The following CADPS variants were observed in gnomAD, a reference collection of about 807,000 sequenced individuals.
CADPS encodes the protein calcium-dependent secretion activator 1.
Under a neutral mutation model 167.3 loss-of-function variants are expected in CADPS, and 57 were observed. That is an observed-to-expected ratio of 0.34 (90% CI 0.28 to 0.42). The LOEUF is 0.42. Ranked by LOEUF, CADPS falls within the 20% of genes least tolerant of loss-of-function variation. CADPS has a pLI of 1.00. For missense variants in CADPS, 1,414 were observed against 1,738.1 expected (o/e 0.81, Z 3.32); for synonymous variants, 676 against 635.3 (o/e 1.06, Z -0.96).
At position 62,834,359 on chromosome 3, in the gene CADPS, T is replaced by A. The variant is rs544691951; in HGVS notation, c.441+40230A>T. On this transcript the variant is annotated intron_variant, in intron 1 of 29. Coordinates refer to ENST00000383710, the MANE Select transcript of CADPS (RefSeq NM_003716.4). ...TGACTGACCTTCATTTCCAACTAGA[T>A]GGGGAACTCCTCACTGCTTATAGAA... Among the ~76,000 whole-genome samples the A allele has an allele frequency of 3.3e-5, 5 of 152,250 alleles. No individual in the cohort carries two copies. The South Asian group carries it at 1.0e-3, about 32-fold the overall frequency.
chr3:62,869,395 AG>A (rs1479874210), intron 1 of CADPS, among the ~76,000 whole-genome samples: 2 of 152,158 alleles, frequency 1.3e-5, no homozygotes, highest in Non-Finnish European at 2.9e-5. Context: ...TAGAACCAAC[AG>A]AATCTGACTG....
intron 3 of CADPS, among the ~76,000 whole-genome samples, chr3:62,743,517 C>G (rs771011506): frequency 6.6e-6 from 1 of 152,112 alleles, no homozygotes; most frequent in Non-Finnish European, 1.5e-5. Context: ...CTCCAAAGAA[C>G]AACTTTTTAA....
At chr3:62,404,608 T>C (rs1369195560) in intron 28 of CADPS, 7 of 152,118 alleles carry the variant, frequency 4.6e-5, no homozygotes, top group African/African-American at 1.2e-4. Context: ...TCAGAGCCAA[T>C]TGTGGCTCTC....
At chr3:62,584,766 G>A (rs1410379448) in intron 8 of CADPS, among the ~76,000 whole-genome samples, 1 of 152,192 alleles carries the variant, frequency 6.6e-6, no homozygotes, top group Admixed American at 6.5e-5. Context: ...AATGTGAGTT[G>A]ATTGAAGGTG....
intron 28 of CADPS, among the ~76,000 whole-genome samples, chr3:62,428,038 T>C (rs966415631): frequency 6.6e-6 from 1 of 152,156 alleles, no homozygotes; most frequent in African/African-American, 2.4e-5. Context: ...CCAAAGGCAG[T>C]CAAGGCAGCC....
chr3:62,709,439 A>G (rs2082951003), intron 3 of CADPS, among the ~76,000 whole-genome samples: 1 of 152,148 alleles, frequency 6.6e-6, no homozygotes, highest in African/African-American at 2.4e-5. Context: ...AATGTCTCCA[A>G]TCTACAGTTT....
chr3:62,537,913 AC>A lies in CADPS; in HGVS notation c.1967-1333del, dbSNP rs565246644. On this transcript the variant is annotated intron_variant, in intron 11 of 29. Coordinates refer to ENST00000383710, the MANE Select transcript of CADPS (RefSeq NM_003716.4). The stretch of plus-strand genomic sequence containing the variant: ...CTTATTGTTTGACTTTTTTAAAAAA[AC>A]GTTGTCATTTTTCATAGAAGCAGCA... 5.7e-3 allele frequency among the ~76,000 whole-genome samples: 863 copies of A among 152,268 alleles called. 7 individuals are homozygous for A. The highest frequency in any genetic ancestry group is 0.02 in the African/African-American group (823 of 41,556).
At chr3:62,566,482 A>T (rs2080227907) in intron 9 of CADPS, among the ~76,000 whole-genome samples, 1 of 152,112 alleles carries the variant, frequency 6.6e-6, no homozygotes, top group Non-Finnish European at 1.5e-5. Flanking sequence ...GTGGCCTTGA[A>T]CTTTCCTCCT....
At chr3:62,695,214 T>A (rs532215964) in intron 3 of CADPS, among the ~76,000 whole-genome samples, 3 of 152,156 alleles carry the variant, frequency 2.0e-5, no homozygotes, top group African/African-American at 7.2e-5. Context: ...AGGGAAAGAA[T>A]GTTTTCTCAA....
chr3:62,789,352 A>C (rs2092736199), intron 1 of CADPS, among the ~76,000 whole-genome samples: 1 of 152,232 alleles, frequency 6.6e-6, no homozygotes, highest in Non-Finnish European at 1.5e-5. Flanking sequence ...TCCAAGTTCC[A>C]ACCTAAAGCC....
chr3:62,680,298 C>A (rs1015731678), intron 3 of CADPS, among the ~76,000 whole-genome samples: 3 of 151,988 alleles, frequency 2.0e-5, no homozygotes, highest in African/African-American at 7.3e-5. Context: ...ATAAGCACAG[C>A]GTCTTCCTCT....
At chr3:62,691,800 T>A (rs1222157768) in intron 3 of CADPS, among the ~76,000 whole-genome samples, 1 of 151,534 alleles carries the variant, frequency 6.6e-6, no homozygotes, top group Admixed American at 6.6e-5. Context: ...GGAGGAAGAG[T>A]ACCAGAAAGA....
chr3:62,796,064 A>G (rs1433840826), intron 1 of CADPS: 1 of 152,274 alleles, frequency 6.6e-6, no homozygotes, highest in African/African-American at 2.4e-5. Context: ...TGTAAGAACC[A>G]GGAGCTATGA....
intron 10 of CADPS, among the ~76,000 whole-genome samples, chr3:62,552,608 G>C (rs1253953627): frequency 2.0e-5 from 3 of 152,186 alleles, no homozygotes; most frequent in Non-Finnish European, 4.4e-5. Context: ...GTGAGGTCCA[G>C]CCAGTAATCT....
chr3:62,463,275 G>A (rs2150339020), intron 26 of CADPS, among the ~76,000 whole-genome samples: 1 of 152,232 alleles, frequency 6.6e-6, no homozygotes, highest in South Asian at 2.1e-4. Flanking sequence ...GGGGCCCTTG[G>A]TGGATTGAAT....
chr3:62,789,355 C>T (rs1036601755), intron 1 of CADPS, among the ~76,000 whole-genome samples: 1 of 152,144 alleles, frequency 6.6e-6, no homozygotes, highest in East Asian at 1.9e-4. Context: ...AAGTTCCAAC[C>T]TAAAGCCAAT....
At chr3:62,587,779 G>A (rs756516066) in intron 7 of CADPS, among the ~76,000 whole-genome samples, 5 of 152,176 alleles carry the variant, frequency 3.3e-5, no homozygotes, top group Non-Finnish European at 5.9e-5. Flanking sequence ...CTGTGCAACT[G>A]CTTGCTGGGG....
At chr3:62,632,440 A>G (rs1005006003) in intron 6 of CADPS, among the ~76,000 whole-genome samples, 1 of 152,232 alleles carries the variant, frequency 6.6e-6, no homozygotes, top group South Asian at 2.1e-4. Flanking sequence ...GTGTATGCAC[A>G]AAGTATGCAT....
intron 17 of CADPS, among the ~76,000 whole-genome samples, chr3:62,511,338 T>A (rs541325273): frequency 1.3e-5 from 2 of 152,300 alleles, no homozygotes; most frequent in East Asian, 3.9e-4. Context: ...TACAGAGTAG[T>A]TAAAAGTGTG....
Sources: allele counts gnomAD v4.1 joint callset (sites outside exome capture counted in the v4.1 genomes callset), GRCh38; gene constraint gnomAD v4.1.1; transcripts MANE v1.5; gene names NCBI Gene and HGNC (gene_info 2026-07-23, HGNC 2026-07-21).